TEX14: variants seen among roughly 807,000 people sequenced by gnomAD.
TEX14 encodes the protein testis expressed 14, intercellular bridge forming factor.
A neutral mutation model predicts 178.6 loss-of-function variants in TEX14; 168 were observed. The observed-to-expected ratio is 0.94, with a 90% confidence interval of 0.83 to 1.07. The LOEUF is 1.07. TEX14 is among the 50% of genes least tolerant of loss of function. The probability of loss-of-function intolerance (pLI) is 0.00; values close to 1 mark genes in which losing one functional copy is unlikely to be tolerated. For missense variants in TEX14, 1,730 were observed against 1,753.6 expected (o/e 0.99, Z 0.24); for synonymous variants, 626 against 634.1 (o/e 0.99, Z 0.19).
intron 1 of TEX14, among the ~76,000 whole-genome samples, chr17:58,659,642 A>T (rs376168931): frequency 6.4e-4 from 98 of 152,040 alleles, no homozygotes; most frequent in Non-Finnish European, 1.2e-3. Flanking sequence ...GTGATAAGAA[A>T]TTTTTTTTCT....
At chr17:58,690,935 T>C (rs756865963) in intron 1 of TEX14, among the ~76,000 whole-genome samples, 1 of 152,166 alleles carries the variant, frequency 6.6e-6, no homozygotes, top group South Asian at 2.1e-4. Context: ...GGCGTGATCA[T>C]AGCTCACTCC....
At chr17:58,661,892 A>G (rs1002049832) in intron 1 of TEX14, 4 of 286,872 alleles carry the variant, frequency 1.4e-5, no homozygotes, top group African/African-American at 2.2e-5. Flanking sequence ...TGAGGACTGA[A>G]TAAGAGAATG....
At chr17:58,659,354 A>T in intron 1 of TEX14, 2 of 982,318 alleles carry the variant, frequency 2.0e-6, no homozygotes, top group Non-Finnish European at 2.4e-6. Context: ...AACACACAAC[A>T]TACTCATGGC....
intron 13 of TEX14, 117 bp downstream of exon 13, chr17:58,601,689 A>C: frequency 1.0e-6 from 1 of 975,400 alleles, no homozygotes; most frequent in Non-Finnish European, 1.6e-6. Context: ...GCTAGACTTT[A>C]TCTCACAAAA....
intron 22 of TEX14, 98 bp from the exon 23 acceptor site, chr17:58,573,406 A>G: frequency 8.2e-7 from 1 of 1,222,484 alleles, no homozygotes; most frequent in Non-Finnish European, 1.2e-6. Flanking sequence ...TCTTAACAAA[A>G]TTTGTATGTG....
chr17:58,644,603 G>A (rs1003173132), intron 2 of TEX14, among the ~76,000 whole-genome samples: 10 of 140,816 alleles, frequency 7.1e-5, no homozygotes, highest in Non-Finnish European at 1.5e-4. Flanking sequence ...GCCTCTCAAA[G>A]TGCTGGGATT....
intron 2 of TEX14, among the ~76,000 whole-genome samples, chr17:58,639,954 T>A (rs1298165858): frequency 1.3e-5 from 2 of 152,124 alleles, no homozygotes; most frequent in African/African-American, 2.4e-5. Flanking sequence ...AAGATAAAGA[T>A]GTTTGGTGAA....
intron 22 of TEX14, 22 bp from the exon 23 acceptor site, chr17:58,573,330 G>GTAAT: frequency 6.2e-7 from 1 of 1,607,490 alleles, no homozygotes; most frequent in Non-Finnish European, 8.5e-7. Context: ...AGAGCACACA[G>GTAAT]TAATGATGAG....
intron 2 of TEX14, among the ~76,000 whole-genome samples, chr17:58,645,681 A>G (rs966640813): frequency 1.3e-5 from 2 of 152,306 alleles, no homozygotes; most frequent in African/African-American, 4.8e-5. Context: ...TATAAAGGAT[A>G]AGAGAAGGGG....
Position 58,599,119 on chromosome 17 carries a change from G to A in TEX14, c.2226C>T (p.His742=), listed in dbSNP as rs114600472. 5.7e-5 allele frequency: 92 copies of A among 1,613,906 alleles called. No homozygotes were observed. The African/African-American group carries it at 1.0e-3, about 18-fold the overall frequency. The change falls in exon 14 of 32, where the codon CAC becomes CAT. Residue 742 remains histidine, a synonymous_variant. Coordinates refer to ENST00000349033, the MANE Select transcript of TEX14 (RefSeq NM_031272.5). ...LDLKIMQTIM[H]ENDDRLRNIE... ...TATTCCTCAGCCTATCATCATTCTC[G>A]TGCATTATTGTCTGCATAATCTTTA...
chr17:58,599,325 A>G lies in TEX14; in HGVS notation c.2020T>C (p.Phe674Leu), dbSNP rs746150702. 1 of 1,613,784 alleles carries G rather than the reference A, an allele frequency of 6.2e-7. No homozygotes were observed. Residue 674 changes from phenylalanine to leucine, a missense_variant, in exon 14 of 32, where the codon TTT becomes CTT. Phe to Leu is a conservative substitution (Grantham distance 22). Transcript: ENST00000349033. Reference protein sequence around the residue: ...LDKMEREACCFGSEDESSSKA... With the variant: ...LDKMEREACCLGSEDESSSKA... ...GAAGAGCTCTCATCCTCACTGCCAA[A>G]ACAACACGCCTCTCTCTCCATCTTA... is the stretch of plus-strand genomic sequence containing the variant.
In TEX14 at chr17:58,617,536, A is replaced by C. The variant is rs1199801239; in HGVS notation, c.636+2T>G. On this transcript the variant is annotated splice_donor_variant, in intron 6 of 31. Transcript: ENST00000349033. LOFTEE classifies it high-confidence loss of function. ...CACTGGCTGTCAGTGGCAACCTCTT[A>C]CCTTCCCAAAACCAAAGCTGTAGAT... 1 of 1,612,862 alleles carries C rather than the reference A, an allele frequency of 6.2e-7. No individual in the cohort carries two copies. The highest frequency in any genetic ancestry group is 8.5e-7 in the Non-Finnish European group (1 of 1,179,200).
At chr17:58,664,670 G>T (rs1160923722) in intron 1 of TEX14, among the ~76,000 whole-genome samples, 1 of 152,104 alleles carries the variant, frequency 6.6e-6, no homozygotes, top group Non-Finnish European at 1.5e-5. Flanking sequence ...ATTTTGAAGG[G>T]CCCATACTTT....
intron 1 of TEX14, chr17:58,659,282 G>A (rs182167765): frequency 5.2e-5 from 49 of 936,704 alleles, no homozygotes; most frequent in Admixed American, 1.9e-4. Context: ...GACCAACAGC[G>A]TCTCTCCCCC....
rs1006938156 is a variant in TEX14 at position 58,659,281 on chromosome 17, C to A, written c.-1-7279G>T. The A allele has an allele frequency of 5.4e-5, 50 of 928,524 alleles. 1 individual carries two copies. The East Asian group carries it at 8.1e-4, about 15-fold the overall frequency. 57.5% of individuals were successfully genotyped at this position (928,524 alleles called of 1,614,324 possible). A position where few individuals can be genotyped will look rare whatever the true frequency, so the allele number is the denominator to read the frequency against. ...AAAAACACTTTATCAGGACCAACAGCGTCTCTCCCCCGCCACAAAGACATT... is the reference window on the plus strand; with the variant it reads ...AAAAACACTTTATCAGGACCAACAGAGTCTCTCCCCCGCCACAAAGACATT... On this transcript the variant is annotated intron_variant, in intron 1 of 31. Coordinates refer to ENST00000349033, the MANE Select transcript of TEX14 (RefSeq NM_031272.5).
intron 2 of TEX14, among the ~76,000 whole-genome samples, chr17:58,646,884 G>A (rs2046720290): frequency 6.6e-6 from 1 of 151,604 alleles, no homozygotes; most frequent in Non-Finnish European, 1.5e-5. Context: ...ACAATCAGGA[G>A]ACAACTTTCC....
chr17:58,685,384 C>T (rs1426478161), intron 1 of TEX14, among the ~76,000 whole-genome samples: 4 of 147,976 alleles, frequency 2.7e-5, no homozygotes, highest in Admixed American at 6.8e-5. Context: ...TGCAGTGAGC[C>T]GAGATCACAC....
At chr17:58,584,465 G>T in intron 19 of TEX14, 35 bp downstream of exon 19, 1 of 1,420,836 alleles carries the variant, frequency 7.0e-7, no homozygotes, top group Non-Finnish European at 1.0e-6. Context: ...TTAGATCTTT[G>T]GGTTCAACTT....
chr17:58,657,845 T>C (rs2047002442), intron 1 of TEX14, among the ~76,000 whole-genome samples: 1 of 152,202 alleles, frequency 6.6e-6, no homozygotes, highest in African/African-American at 2.4e-5. Flanking sequence ...AGGACTAACA[T>C]TAGCCACAAG....
Sources: allele counts gnomAD v4.1 joint callset (sites outside exome capture counted in the v4.1 genomes callset), GRCh38; gene constraint gnomAD v4.1.1; transcripts MANE v1.5; gene names NCBI Gene and HGNC (gene_info 2026-07-23, HGNC 2026-07-21).